SULT6B1: variants seen among roughly 807,000 people sequenced by gnomAD.
SULT6B1 encodes sulfotransferase family 6B member 1.
A neutral mutation model predicts 37.2 loss-of-function variants in SULT6B1; 44 were observed. The observed-to-expected ratio is 1.18, with a 90% CI of 0.93 to 1.52. The LOEUF (loss-of-function observed/expected upper bound fraction) is 1.52, where lower values mean the gene tolerates loss of function less well. Ranked by LOEUF, SULT6B1 falls within the 40% of genes most tolerant of loss-of-function variation. The pLI is 0.00. For synonymous variants in SULT6B1, 140 were observed against 126.0 expected (o/e 1.11, Z -0.74); for missense variants, 450 against 361.0 (o/e 1.25, Z -2.00).
At chr2:37,190,462 C>T (rs1676759064), upstream of SULT6B1, among the ~76,000 whole-genome samples, 1 of 152,104 alleles carries the variant, frequency 6.6e-6, no homozygotes, top group East Asian at 1.9e-4. Flanking sequence ...GTACCACATC[C>T]CCTTCCAAAT....
intron 1 of SULT6B1, among the ~76,000 whole-genome samples, chr2:37,188,060 T>C (rs991565046): frequency 6.6e-6 from 1 of 152,194 alleles, no homozygotes; most frequent in Non-Finnish European, 1.5e-5. Context: ...GAAATCATCA[T>C]GTAAATTATA....
chr2:37,184,292 A>G (rs552990636), intron 2 of SULT6B1, among the ~76,000 whole-genome samples: 3 of 152,334 alleles, frequency 2.0e-5, no homozygotes, highest in African/African-American at 7.2e-5. Flanking sequence ...AAATATCTCA[A>G]TGGAACCTGA....
chr2:37,182,033 T>C (rs766376017), intron 3 of SULT6B1, among the ~76,000 whole-genome samples: 1 of 152,118 alleles, frequency 6.6e-6, no homozygotes, highest in African/African-American at 2.4e-5. Context: ...ATTTTCCCAT[T>C]TTAAGCTACT....
At chr2:37,170,760 A>AC (rs1299890017) in intron 6 of SULT6B1, among the ~76,000 whole-genome samples, 11 of 127,504 alleles carry the variant, frequency 8.6e-5, no homozygotes, top group African/African-American at 3.0e-4. Flanking sequence ...AAAAAAAAAA[A>AC]CTCACTGATG....
chr2:37,181,326 T>C (rs1676544654), intron 3 of SULT6B1, among the ~76,000 whole-genome samples: 3 of 152,212 alleles, frequency 2.0e-5, no homozygotes, highest in Non-Finnish European at 4.4e-5. Context: ...GAGGGCTAAT[T>C]GGCTGGAGTA....
intron 4 of SULT6B1, among the ~76,000 whole-genome samples, chr2:37,177,842 A>T (rs1676464412): frequency 6.6e-6 from 1 of 152,246 alleles, no homozygotes; most frequent in Non-Finnish European, 1.5e-5. Flanking sequence ...TATATACAAC[A>T]AAAATAAATA....
chr2:37,176,356 G>C lies in SULT6B1; in HGVS notation c.530-1130C>G, dbSNP rs113831563. On this transcript the variant is annotated intron_variant, in intron 4 of 6. Coordinates refer to ENST00000535679, the MANE Select transcript of SULT6B1 (RefSeq NM_001367551.1). ...CAGCTCACTGCAACCTCTGCCTCCC[G>C]GTTTCAAGCAATTCTGTCTCAGTCT... Among the ~76,000 whole-genome samples the C allele has an allele frequency of 3.8e-3, 509 of 133,792 alleles. 3 individuals carry two copies. Among genetic ancestry groups the C allele is most frequent in the African/African-American group, 0.014 (492 of 35,924 alleles). 87.8% of individuals were successfully genotyped at this position (133,792 alleles called of 152,430 possible). A position where few individuals can be genotyped will look rare whatever the true frequency, so the allele number is the denominator to read the frequency against.
chr2:37,180,207 T>C (rs1676520835), intron 3 of SULT6B1, among the ~76,000 whole-genome samples: 1 of 152,188 alleles, frequency 6.6e-6, no homozygotes. Context: ...GCCTTCTATT[T>C]CAAGAACTGA....
At position 37,167,858 on chromosome 2, in the gene SULT6B1, G is replaced by A. The variant is rs1292081876; in HGVS notation, c.*77C>T. The stretch of plus-strand genomic sequence containing the variant: ...TTGTTTAATTATTATTTGATTATTT[G>A]ATTGAATTATCATTTAATTATTTAC... On this transcript the variant is annotated 3_prime_UTR_variant, in exon 7 of 7. Transcript: ENST00000535679. The A allele has an allele frequency of 2.4e-6, 3 of 1,225,032 alleles. No individual in the cohort carries two copies. Among genetic ancestry groups the A allele is most frequent in the East Asian group, 3.1e-5 (1 of 32,226 alleles). The allele number at this position is 1,225,032 out of a possible 1,614,324, so 75.9% of individuals were successfully genotyped here. A position where few individuals can be genotyped will look rare whatever the true frequency, so the allele number is the denominator to read the frequency against.
intron 1 of SULT6B1, among the ~76,000 whole-genome samples, chr2:37,187,723 T>C (rs1425730934): frequency 2.0e-5 from 3 of 152,192 alleles, no homozygotes; most frequent in Admixed American, 6.5e-5. Flanking sequence ...TCATTTTGAA[T>C]CTAGAATATG....
At chr2:37,193,380 T>G (rs957072718), upstream of SULT6B1, among the ~76,000 whole-genome samples, 1 of 151,686 alleles carries the variant, frequency 6.6e-6, no homozygotes, top group African/African-American at 2.4e-5. Context: ...GAGAATCGCT[T>G]GAATCCGGGA....
At chr2:37,177,860 T>A (rs79612885) in intron 4 of SULT6B1, among the ~76,000 whole-genome samples, 3,643 of 152,278 alleles carry the variant, frequency 0.024, 66 homozygotes, top group Middle Eastern at 0.058. Flanking sequence ...ATACATTTTT[T>A]AAAAAGTAGC....
intron 5 of SULT6B1, among the ~76,000 whole-genome samples, chr2:37,172,184 G>A (rs987070983): frequency 6.6e-6 from 1 of 152,024 alleles, no homozygotes; most frequent in Non-Finnish European, 1.5e-5. Context: ...CTGAATAGCT[G>A]GGACAACAGG....
intron 2 of SULT6B1, among the ~76,000 whole-genome samples, chr2:37,186,843 C>A (rs148536367): frequency 6.6e-6 from 1 of 152,248 alleles, no homozygotes; most frequent in African/African-American, 2.4e-5. Flanking sequence ...CTGCAGTGAG[C>A]CATGATCACA....
At chr2:37,177,834 T>C (rs1300112744) in intron 4 of SULT6B1, among the ~76,000 whole-genome samples, 1 of 152,204 alleles carries the variant, frequency 6.6e-6, no homozygotes, top group African/African-American at 2.4e-5. Flanking sequence ...ACCTTAAATA[T>C]ATACAACAAA....
intron 4 of SULT6B1, 37 bp downstream of exon 4, chr2:37,179,421 G>C (rs1251122635): frequency 1.2e-6 from 2 of 1,610,142 alleles, no homozygotes. Flanking sequence ...GTGGTCATCT[G>C]ATCAAGTAAG....
intron 5 of SULT6B1, among the ~76,000 whole-genome samples, chr2:37,173,489 C>T (rs1234815727): frequency 6.6e-6 from 1 of 152,180 alleles, no homozygotes; most frequent in Non-Finnish European, 1.5e-5. Flanking sequence ...GGCCTGTATG[C>T]CCAACTGCCT....
At chr2:37,176,779 C>T (rs559318180) in intron 4 of SULT6B1, among the ~76,000 whole-genome samples, 2 of 152,108 alleles carry the variant, frequency 1.3e-5, no homozygotes, top group Non-Finnish European at 2.9e-5. Context: ...TTCTTGATAT[C>T]CTGCCTTCCT....
At chr2:37,185,242 T>C (rs1676645610) in intron 2 of SULT6B1, among the ~76,000 whole-genome samples, 1 of 152,164 alleles carries the variant, frequency 6.6e-6, no homozygotes, top group African/African-American at 2.4e-5. Flanking sequence ...GGAAGTCAAC[T>C]GTAACTAAAT....
Sources: gnomAD v4.1 joint callset for allele counts (sites outside exome capture counted in the v4.1 genomes callset) on GRCh38, gnomAD v4.1.1 for gene constraint, MANE v1.5 for transcripts, NCBI Gene and HGNC (gene_info 2026-07-23, HGNC 2026-07-21) for gene names.